The following KDR variants were observed in gnomAD, a reference collection of about 807,000 sequenced individuals.
KDR encodes kinase insert domain receptor.
Under a neutral mutation model 160.9 loss-of-function variants are expected in KDR, and 43 were observed. The ratio of observed to expected loss-of-function variants is 0.27; its 90% confidence interval spans 0.21 to 0.34. KDR has a LOEUF of 0.34. Ranked by LOEUF, KDR falls within the 10% of genes least tolerant of loss-of-function variation. KDR has a pLI of 1.00. For synonymous variants in KDR, 617 were observed against 600.1 expected, an observed-to-expected ratio of 1.03 and a Z score of -0.41; for missense variants, 1,469 against 1,666.4, an observed-to-expected ratio of 0.88 and a Z score of 2.06.
In KDR at chr4:55,110,713, C is replaced by A. The variant is rs367820756; in HGVS notation, c.1032G>T (p.Val344=). 11 of 1,613,602 alleles carry A rather than the reference C, an allele frequency of 6.8e-6. No individual in the cohort carries two copies. Among genetic ancestry groups the A allele is most frequent in the Middle Eastern group, 1.7e-4 (1 of 6,058 alleles). ...TCGCAGGGATTCTGACACGCTCCCCCACCGTGGCTTCCACCAGAGATTCCA... is the reference window on the plus strand; with the variant it reads ...TCGCAGGGATTCTGACACGCTCCCCAACCGTGGCTTCCACCAGAGATTCCA... ...SGMESLVEAT[V]GERVRIPAKY... is the part of the protein sequence containing the mutation. The change falls in exon 8 of 30, where the codon GTG becomes GTT. Residue 344 remains valine (V), a synonymous_variant. Coordinates refer to ENST00000263923, the MANE Select transcript of KDR (RefSeq NM_002253.4).
rs1400764978 is a variant in KDR, at chr4:55,104,805, G to C, written c.1825C>G (p.Leu609Val). The change falls in exon 13 of 30, where the codon CTT becomes GTT. Residue 609 changes from leucine to valine, a missense_variant. This residue lies in a region of KDR where 792 missense variants were observed against 840.9 expected (regional missense o/e 0.94). Coordinates refer to ENST00000263923, the MANE Select transcript of KDR (RefSeq NM_002253.4). ...AACATGGTGGCATTCAATTTCCAAA[G>C]AGTATCCAAGTTCTTGCAAACAGGT... is the stretch of plus-strand genomic sequence containing the variant. The part of the protein sequence containing the change: ...PTPVCKNLDT[L>V]WKLNATMFSN... 2 of 1,613,854 alleles carry C rather than the reference G, an allele frequency of 1.2e-6. No individual in the cohort carries two copies. Among genetic ancestry groups the C allele is most frequent in the African/African-American group, 1.3e-5 (1 of 74,896 alleles).
chr4:55,115,613 C>T (rs1348313676), intron 3 of KDR, among the ~76,000 whole-genome samples: 2 of 151,564 alleles, frequency 1.3e-5, no homozygotes, highest in East Asian at 3.9e-4. Flanking sequence ...TGTGTTTGTG[C>T]ATGCACATGC....
rs1199119724 is a variant in KDR, at chr4:55,114,169, A to T, written c.755T>A (p.Leu252Gln). 1.2e-6 allele frequency: 2 copies of T among 1,614,062 alleles called. No individual in the cohort carries two copies. The highest frequency in any genetic ancestry group is 1.7e-6 in the Non-Finnish European group (2 of 1,179,938). ...CCAGTTGAAGTCAATCCCCACATTT[A>T]GTTCAGTTCTTGCTGTACAATTTAA... Reference protein sequence around the residue: ...LVLNCTARTELNVGIDFNWEY... With the variant: ...LVLNCTARTEQNVGIDFNWEY... The change falls in exon 6 of 30, where the codon CTA becomes CAA. Residue 252 changes from leucine to glutamine, a missense_variant. This residue lies in a region of KDR where 792 missense variants were observed against 840.9 expected (regional missense o/e 0.94). Coordinates refer to ENST00000263923, the MANE Select transcript of KDR (RefSeq NM_002253.4).
At chr4:55,094,665 AT>A in intron 21 of KDR, 136 bp downstream of exon 21, 1 of 847,962 alleles carries the variant, frequency 1.2e-6, no homozygotes, top group South Asian at 1.3e-5. Flanking sequence ...GAGGCAGTCT[AT>A]TATAGAAATT....
chr4:55,082,192 C>A, intron 28 of KDR, 151 bp from the exon 29 acceptor site: 1 of 718,836 alleles, frequency 1.4e-6, no homozygotes, highest in Admixed American at 2.1e-5. Flanking sequence ...ATTGTCCAAG[C>A]TACAAAAGGA....
chr4:55,104,689 C>T lies in KDR; in HGVS notation c.1941G>A (p.Arg647=). Residue 647 remains arginine (R), a synonymous_variant, in exon 13 of 30, where the codon AGG becomes AGA. Coordinates refer to ENST00000263923, the MANE Select transcript of KDR (RefSeq NM_002253.4). ...CCACGCAATGTCTTTTCTTGGTCTTCCTGTCTTGAGCAAGGCAGACATAGT... is the reference window on the plus strand; with the variant it reads ...CCACGCAATGTCTTTTCTTGGTCTTTCTGTCTTGAGCAAGGCAGACATAGT... ...QGDYVCLAQD[R]KTKKRHCVVR... is the part of the protein sequence containing the mutation. The T allele has an allele frequency of 1.2e-6, 2 of 1,613,808 alleles. No homozygotes were observed. Among genetic ancestry groups the T allele is most frequent in the Non-Finnish European group, 1.7e-6 (2 of 1,179,846 alleles).
At chr4:55,098,058 C>T in intron 17 of KDR, 79 bp downstream of exon 17, 2 of 1,540,228 alleles carry the variant, frequency 1.3e-6, no homozygotes, top group Middle Eastern at 1.7e-4. Flanking sequence ...TCTGAATACA[C>T]CACATTTGTC....
At chr4:55,091,118 G>C (rs1230153802) in intron 22 of KDR, among the ~76,000 whole-genome samples, 1 of 152,128 alleles carries the variant, frequency 6.6e-6, no homozygotes, top group Admixed American at 6.5e-5. Flanking sequence ...CTCCCAAAGT[G>C]CTGGAATTAC....
At chr4:55,085,926 C>G (rs570091738) in intron 27 of KDR, among the ~76,000 whole-genome samples, 2 of 152,284 alleles carry the variant, frequency 1.3e-5, no homozygotes, top group Non-Finnish European at 2.9e-5. Context: ...GCAAAGCACC[C>G]GGTGAGCCAG....
intron 7 of KDR, among the ~76,000 whole-genome samples, chr4:55,112,956 C>T (rs1253148379): frequency 6.6e-6 from 1 of 152,130 alleles, no homozygotes; most frequent in Non-Finnish European, 1.5e-5. Context: ...AAAGCTCATG[C>T]TTATTCAAGT....
At chr4:55,081,070 C>T (rs1055918856) in intron 29 of KDR, among the ~76,000 whole-genome samples, 2 of 152,262 alleles carry the variant, frequency 1.3e-5, no homozygotes, top group African/African-American at 4.8e-5. Flanking sequence ...TGATACTTGC[C>T]GAATAAACAT....
chr4:55,098,941 C>A, intron 15 of KDR, 138 bp from the exon 16 acceptor site: 2 of 573,316 alleles, frequency 3.5e-6, no homozygotes, highest in South Asian at 2.2e-5. Flanking sequence ...GTTACACACC[C>A]GTAACTTGAA....
intron 25 of KDR, 87 bp downstream of exon 25, chr4:55,089,287 A>G: frequency 1.1e-6 from 1 of 930,368 alleles, no homozygotes; most frequent in East Asian, 2.5e-5. Flanking sequence ...TGGGCAATGA[A>G]GAAGGTCTAT....
chr4:55,118,638 A>C lies in KDR; in HGVS notation c.324T>G (p.Thr108=). ...TGAYKCFYRE[T]DLASVIYVYV... The stretch of plus-strand genomic sequence containing the variant: ...AGACATAAATGACCGAGGCCAAGTC[A>C]GTTTCCCGGTAGAAGCACTTGTAGG... The change falls in exon 3 of 30, where the codon ACT becomes ACG. Residue 108 remains threonine, a synonymous_variant. Coordinates refer to ENST00000263923, the MANE Select transcript of KDR (RefSeq NM_002253.4). The C allele has an allele frequency of 6.2e-7, 1 of 1,614,162 alleles. No homozygotes were observed. Among genetic ancestry groups the C allele is most frequent in the Non-Finnish European group, 8.5e-7 (1 of 1,179,992 alleles).
chr4:55,080,028 C>CT lies in KDR; in HGVS notation c.3983dup (p.Leu1329AlafsTer10). On this transcript the variant is annotated frameshift_variant, in exon 30 of 30. Coordinates refer to ENST00000263923, the MANE Select transcript of KDR (RefSeq NM_002253.4). LOFTEE classifies it low-confidence loss of function (END_TRUNC). Reference sequence around the variant, plus strand: ...CGGTTTGCACTCCAATCTCTATCAGCTTTAAAAGTTCTGCTTCCTCACTGG... The same window carrying CT: ...CGGTTTGCACTCCAATCTCTATCAGCTTTTAAAAGTTCTGCTTCCTCACTGG... 6.2e-7 allele frequency: 1 copy of CT among 1,614,174 alleles called. No homozygotes were observed. The highest frequency in any genetic ancestry group is 8.5e-7 in the Non-Finnish European group (1 of 1,180,034).
intron 14 of KDR, 77 bp downstream of exon 14, chr4:55,102,285 A>G: frequency 1.3e-6 from 2 of 1,520,968 alleles, no homozygotes; most frequent in Non-Finnish European, 9.1e-7. Context: ...ACATTACATC[A>G]AGAAATAATA....
intron 11 of KDR, 119 bp from the exon 12 acceptor site, chr4:55,106,059 C>T (rs1046359752): frequency 1.7e-5 from 13 of 763,364 alleles, no homozygotes; most frequent in African/African-American, 6.8e-5. Context: ...ACTTCTGCAG[C>T]GGTTGGACAC....
rs918698180 is a variant in KDR, at chr4:55,095,498, A to G, written c.2817+79T>C. On this transcript the variant is annotated intron_variant, in intron 20 of 29. Transcript: ENST00000263923. ...CTCACAAGTTCTTCACAAAATTTCAACTAAAAAACTAACCTGTACCATTTT... is the reference window on the plus strand; with the variant it reads ...CTCACAAGTTCTTCACAAAATTTCAGCTAAAAAACTAACCTGTACCATTTT... 1.6e-5 allele frequency: 16 copies of G among 1,031,514 alleles called. No individual in the cohort carries two copies. The South Asian group carries it at 2.1e-4, about 13-fold the overall frequency. 63.9% of individuals were successfully genotyped at this position (1,031,514 alleles called of 1,614,324 possible).
chr4:55,092,365 T>C (rs968886769), intron 22 of KDR: 1 of 488,316 alleles, frequency 2.0e-6, no homozygotes, highest in African/African-American at 1.9e-5. Flanking sequence ...CACCACAGTA[T>C]CCTCAGTGCT....
Sources: allele counts gnomAD v4.1 joint callset (sites outside exome capture counted in the v4.1 genomes callset), GRCh38; gene constraint gnomAD v4.1.1; regional missense constraint gnomAD v4.1.1; transcripts MANE v1.5; gene names NCBI Gene and HGNC (gene_info 2026-07-23, HGNC 2026-07-21).